PRKG1: variants seen among roughly 807,000 people sequenced by gnomAD.
The protein encoded by PRKG1 is cGMP-dependent protein kinase 1.
Under a neutral mutation model 88.1 loss-of-function variants are expected in PRKG1, and 35 were observed. The ratio of observed to expected loss-of-function variants is 0.40; its 90% CI spans 0.30 to 0.53. PRKG1 has a LOEUF of 0.53. Ranked by LOEUF, PRKG1 falls within the 20% of genes least tolerant of loss-of-function variation. The pLI is 0.59. For synonymous variants in PRKG1, 303 were observed against 292.5 expected (o/e 1.04, Z -0.37); for missense variants, 540 against 839.8 (o/e 0.64, Z 4.41).
intron 4 of PRKG1, among the ~76,000 whole-genome samples, chr10:51,836,608 G>A (rs1350955059): frequency 1.3e-5 from 2 of 151,936 alleles, no homozygotes; most frequent in East Asian, 1.9e-4. Flanking sequence ...TGAGACAAAG[G>A]TCTATTTTCA....
chr10:51,276,715 G>C (rs1369801718), intron 2 of PRKG1, among the ~76,000 whole-genome samples: 1 of 152,206 alleles, frequency 6.6e-6, no homozygotes, highest in East Asian at 1.9e-4. Flanking sequence ...CTGATGACCA[G>C]TGATGATGAG....
chr10:52,013,140 C>T (rs552181365), intron 5 of PRKG1, among the ~76,000 whole-genome samples: 6 of 151,262 alleles, frequency 4.0e-5, no homozygotes, highest in Admixed American at 2.6e-4. Context: ...TTGGGAGGGC[C>T]GGGTGCGGTG....
intron 3 of PRKG1, among the ~76,000 whole-genome samples, chr10:51,778,287 G>A (rs554420311): frequency 3.3e-5 from 5 of 152,168 alleles, no homozygotes; most frequent in Admixed American, 3.3e-4. Context: ...TCTTTATAGG[G>A]GTTCTGAGAA....
chr10:51,231,217 A>G (rs546367804), intron 2 of PRKG1, among the ~76,000 whole-genome samples: 1 of 152,294 alleles, frequency 6.6e-6, no homozygotes, highest in South Asian at 2.1e-4. Flanking sequence ...ATCCCTGGTT[A>G]CTTTCTTACT....
At chr10:52,078,258 ATTGTAAAACATGTAC>A (rs1846682427) in intron 7 of PRKG1, among the ~76,000 whole-genome samples, 1 of 152,224 alleles carries the variant, frequency 6.6e-6, no homozygotes, top group African/African-American at 2.4e-5. Flanking sequence ...ATAGTCAAGA[ATTGTAAAACATGTAC>A]TTGAAGTTAA....
intron 4 of PRKG1, among the ~76,000 whole-genome samples, chr10:51,856,063 C>G (rs1353863817): frequency 1.3e-5 from 2 of 152,144 alleles, no homozygotes; most frequent in African/African-American, 4.8e-5. Context: ...GGTCACATCC[C>G]TTCAATCTCT....
chr10:51,888,771 G>T (rs1349057232), intron 4 of PRKG1, among the ~76,000 whole-genome samples: 2 of 152,140 alleles, frequency 1.3e-5, no homozygotes, highest in East Asian at 3.9e-4. Flanking sequence ...TAAAGTTTCT[G>T]TCTCTTCATT....
chr10:51,510,856 G>A (rs1339033413), intron 3 of PRKG1, among the ~76,000 whole-genome samples: 2 of 149,084 alleles, frequency 1.3e-5, no homozygotes, highest in African/African-American at 5.0e-5. Context: ...CAATTCTCCT[G>A]CCTCAGCCTC....
intron 2 of PRKG1, among the ~76,000 whole-genome samples, chr10:51,458,668 A>G (rs923814099): frequency 3.3e-5 from 5 of 152,152 alleles, no homozygotes; most frequent in Non-Finnish European, 5.9e-5. Context: ...AACTTTGTGT[A>G]TTTTGTTTCC....
intron 3 of PRKG1, among the ~76,000 whole-genome samples, chr10:51,789,538 C>A (rs767216193): frequency 1.3e-5 from 2 of 152,092 alleles, no homozygotes; most frequent in Non-Finnish European, 2.9e-5. Flanking sequence ...ATTATTGATT[C>A]TAGAATGTTT....
At chr10:51,400,125 A>G (rs1219684953) in intron 2 of PRKG1, among the ~76,000 whole-genome samples, 2 of 152,150 alleles carry the variant, frequency 1.3e-5, no homozygotes, top group African/African-American at 4.8e-5. Context: ...TAATTTTTTG[A>G]GTACCTACTA....
chr10:51,569,996 G>A (rs1322434281), intron 3 of PRKG1, among the ~76,000 whole-genome samples: 1 of 148,782 alleles, frequency 6.7e-6, no homozygotes, highest in Non-Finnish European at 1.5e-5. Context: ...ATTTAGATCT[G>A]ACGATAAGAT....
At chr10:52,027,783 T>TATC in intron 5 of PRKG1, among the ~76,000 whole-genome samples, 1 of 152,136 alleles carries the variant, frequency 6.6e-6, no homozygotes, top group Non-Finnish European at 1.5e-5. Context: ...CTATCTTTAT[T>TATC]ATTATTATTA....
chr10:51,298,571 G>T (rs186772697), intron 2 of PRKG1, among the ~76,000 whole-genome samples: 2 of 152,284 alleles, frequency 1.3e-5, no homozygotes, highest in East Asian at 3.9e-4. Context: ...CTTTTCTGGA[G>T]GAAGGGAGAA....
intron 2 of PRKG1, among the ~76,000 whole-genome samples, chr10:51,157,443 C>G (rs1324192234): frequency 6.6e-6 from 1 of 151,848 alleles, no homozygotes; most frequent in East Asian, 1.9e-4. Flanking sequence ...AACAGATAGA[C>G]TTTGGCCTTA....
rs573067683 is a variant in PRKG1 at position 51,167,885 on chromosome 10, A to C, written c.478+14555A>C. ...ATATATTCCTGAAAGCTCAATTGAG[A>C]GATGAGAATGTGGAGGTAGTGTTCT... On this transcript the variant is annotated intron_variant, in intron 2 of 17. Coordinates refer to ENST00000373980, the MANE Select transcript of PRKG1 (RefSeq NM_006258.4). Among the ~76,000 whole-genome samples, 21 of 152,242 alleles carry C rather than the reference A, an allele frequency of 1.4e-4. No individual in the cohort carries two copies. The South Asian group carries it at 3.3e-3, about 24-fold the overall frequency.
At chr10:51,695,919 C>A (rs1309781994) in intron 3 of PRKG1, 1 of 152,082 alleles carries the variant, frequency 6.6e-6, no homozygotes, top group Non-Finnish European at 1.5e-5. Context: ...AGTAAGATCA[C>A]CTGATATTTG....
chr10:51,730,068 A>T (rs1842236142), intron 3 of PRKG1, among the ~76,000 whole-genome samples: 2 of 152,200 alleles, frequency 1.3e-5, no homozygotes, highest in Admixed American at 6.5e-5. Context: ...GTTATGCATT[A>T]TATGGGTTTG....
chr10:51,247,525 A>G (rs1035437852), intron 2 of PRKG1, among the ~76,000 whole-genome samples: 1 of 151,958 alleles, frequency 6.6e-6, no homozygotes, highest in African/African-American at 2.4e-5. Flanking sequence ...TATCCAGCAA[A>G]ATTTACACCC....
Sources: gnomAD v4.1 joint callset for allele counts (sites outside exome capture counted in the v4.1 genomes callset) on GRCh38, gnomAD v4.1.1 for gene constraint, MANE v1.5 for transcripts, NCBI Gene and HGNC (gene_info 2026-07-23, HGNC 2026-07-21) for gene names.